GALNT2: variants seen among roughly 807,000 people sequenced by gnomAD.
GALNT2 encodes UDP-GalNAc:polypeptide N-acetylgalactosaminyltransferase 2.
GALNT2 carries 31 observed loss-of-function variants against 81.4 expected under a neutral mutation model. The ratio of observed to expected loss-of-function variants is 0.38; its 90% confidence interval spans 0.29 to 0.51. GALNT2 has a LOEUF of 0.51. Ranked by LOEUF, GALNT2 falls within the 20% of genes least tolerant of loss-of-function variation. The pLI is 0.87. For missense variants in GALNT2, 629 were observed against 765.7 expected, an observed-to-expected ratio of 0.82 and a Z score of 2.11; for synonymous variants, 303 against 287.4, an observed-to-expected ratio of 1.05 and a Z score of -0.55.
intron 6 of GALNT2, 50 bp downstream of exon 6, chr1:230,236,775 C>G: frequency 6.4e-7 from 1 of 1,550,622 alleles, no homozygotes; most frequent in Non-Finnish European, 8.8e-7. Flanking sequence ...CTGACTTTTC[C>G]TGTAATAACA....
chr1:230,100,734 G>A (rs1312117446), intron 1 of GALNT2, among the ~76,000 whole-genome samples: 1 of 152,226 alleles, frequency 6.6e-6, no homozygotes, highest in East Asian at 1.9e-4. Context: ...AAGGCTTTAA[G>A]TTTGAGAAGT....
At chr1:230,180,388 G>C (rs1663121870) in intron 2 of GALNT2, among the ~76,000 whole-genome samples, 1 of 121,610 alleles carries the variant, frequency 8.2e-6, no homozygotes, top group African/African-American at 3.2e-5. Flanking sequence ...CCGCTTTATT[G>C]CCTTTGCTCC....
chr1:230,089,112 C>T lies in GALNT2; in HGVS notation c.126+21706C>T, dbSNP rs145218044. 3.5e-3 allele frequency among the ~76,000 whole-genome samples: 529 copies of T among 151,484 alleles called. 4 individuals are homozygous for T. The highest frequency in any genetic ancestry group is 0.011 in the African/African-American group (458 of 41,392). The stretch of plus-strand genomic sequence containing the variant: ...CGACAGTTTTTATTATGGTAAAATA[C>T]ATATAACAAAACTGACCATTTTAAC... On this transcript the variant is annotated intron_variant, in intron 1 of 15. Transcript: ENST00000366672.
At position 230,067,338 on chromosome 1, in the gene GALNT2, G is replaced by A; in HGVS notation, c.58G>A (p.Ala20Thr). Reference protein sequence around the residue: ...CFAFLWVLGIAYYMYSGGGSA... With the variant: ...CFAFLWVLGITYYMYSGGGSA... ...CGCCTTCCTGTGGGTGCTGGGCATCGCCTACTACATGTACTCGGGGGGCGG... is the reference window on the plus strand; with the variant it reads ...CGCCTTCCTGTGGGTGCTGGGCATCACCTACTACATGTACTCGGGGGGCGG... Residue 20 changes from alanine (A) to threonine (T), a missense_variant, in exon 1 of 16, where the codon GCC becomes ACC. By Grantham distance (58) the Ala-to-Thr change is moderately conservative. Around this residue, in one of 3 missense-constraint regions of GALNT2, gnomAD observed 62 missense variants for 47.3 expected, o/e 1.31. Coordinates refer to ENST00000366672, the MANE Select transcript of GALNT2 (RefSeq NM_004481.5). The A allele has an allele frequency of 7.2e-7, 1 of 1,384,302 alleles. No individual in the cohort carries two copies. The highest frequency in any genetic ancestry group is 9.5e-7 in the Non-Finnish European group (1 of 1,056,462). The allele number at this position is 1,384,302 out of a possible 1,614,324, so 85.8% of individuals were successfully genotyped here. A position where few individuals can be genotyped will look rare whatever the true frequency, so the allele number is the denominator to read the frequency against.
At chr1:230,115,256 G>A (rs902210916) in intron 1 of GALNT2, among the ~76,000 whole-genome samples, 50 of 152,082 alleles carry the variant, frequency 3.3e-4, no homozygotes, top group African/African-American at 1.1e-3. Context: ...CACCTGCCTC[G>A]GCCTCCCAGA....
chr1:230,236,806 A>G (rs1330773311), intron 6 of GALNT2, 81 bp downstream of exon 6: 1 of 1,366,556 alleles, frequency 7.3e-7, no homozygotes, highest in Non-Finnish European at 1.0e-6. Context: ...CTTTAGCTCA[A>G]AGAGCAATTA....
At chr1:230,242,728 T>C (rs1665238323) in intron 6 of GALNT2, among the ~76,000 whole-genome samples, 1 of 152,156 alleles carries the variant, frequency 6.6e-6, no homozygotes, top group Admixed American at 6.5e-5. Flanking sequence ...TTTTGTGTCA[T>C]AATGAACGTG....
chr1:230,223,342 T>C (rs1259963102), intron 3 of GALNT2, among the ~76,000 whole-genome samples: 2 of 147,712 alleles, frequency 1.4e-5, no homozygotes, highest in Admixed American at 7.1e-5. Flanking sequence ...TGTATCTTAC[T>C]GATTTTTTTT....
At chr1:230,180,296 CTTTTTTTTTTTTT>C (rs56786141) in intron 2 of GALNT2, among the ~76,000 whole-genome samples, 19 of 70,608 alleles carry the variant, frequency 2.7e-4, no homozygotes, top group Non-Finnish European at 2.9e-4. Flanking sequence ...TGTCTAGGTT[CTTTTTTTTTTTTT>C]TTTTTTTTTT....
At chr1:230,246,787 C>T (rs1252845368) in intron 8 of GALNT2, among the ~76,000 whole-genome samples, 1 of 152,124 alleles carries the variant, frequency 6.6e-6, no homozygotes, top group African/African-American at 2.4e-5. Flanking sequence ...ACCGCACCCA[C>T]CCTGGAGCCC....
chr1:230,228,365 G>A (rs1047102212), intron 3 of GALNT2, among the ~76,000 whole-genome samples: 1 of 151,916 alleles, frequency 6.6e-6, no homozygotes, highest in African/African-American at 2.4e-5. Context: ...CGCCTAGTAG[G>A]GGCCATGAAG....
At chr1:230,139,808 C>T (rs185490616) in intron 1 of GALNT2, among the ~76,000 whole-genome samples, 7 of 152,318 alleles carry the variant, frequency 4.6e-5, no homozygotes, top group Admixed American at 4.6e-4. Flanking sequence ...ATGAAGATTA[C>T]TCAGGTTTAT....
At chr1:230,159,600 G>A (rs1662367917) in intron 1 of GALNT2, among the ~76,000 whole-genome samples, 1 of 152,218 alleles carries the variant, frequency 6.6e-6, no homozygotes, top group Admixed American at 6.5e-5. Context: ...CCTACATGGG[G>A]TAGGGGGAAA....
At chr1:230,228,917 T>G (rs1664793396) in intron 3 of GALNT2, among the ~76,000 whole-genome samples, 1 of 152,248 alleles carries the variant, frequency 6.6e-6, no homozygotes. Context: ...GTCCTTCACT[T>G]ATGTTTTGTA....
At position 230,243,489 on chromosome 1, in the gene GALNT2, G is replaced by A; in HGVS notation, c.729+62G>A. 6.3e-7 allele frequency: 1 copy of A among 1,591,972 alleles called. No homozygotes were observed. Among genetic ancestry groups the A allele is most frequent in the African/African-American group, 1.3e-5 (1 of 74,604 alleles). On this transcript the variant is annotated intron_variant, in intron 7 of 15. Coordinates refer to ENST00000366672, the MANE Select transcript of GALNT2 (RefSeq NM_004481.5). This position sits in a 1 kb window ranked among gnomAD's most constrained non-coding sequence, Gnocchi z 4.2. ...GGGTGGTTGGTAGAGGGGACAGAAG[G>A]GAGCATGGTCCAGGGGAGGTGTAAC...
chr1:230,266,810 TGA>T (rs1666048411), intron 14 of GALNT2, among the ~76,000 whole-genome samples: 1 of 152,108 alleles, frequency 6.6e-6, no homozygotes, highest in Non-Finnish European at 1.5e-5. Flanking sequence ...AGTTAGAAAA[TGA>T]GAGAGAGCCT....
At chr1:230,216,399 A>G (rs1174773553) in intron 3 of GALNT2, among the ~76,000 whole-genome samples, 2 of 152,212 alleles carry the variant, frequency 1.3e-5, no homozygotes, top group East Asian at 1.9e-4. Context: ...TTTATGGTAC[A>G]TTCATTATTA....
At position 230,243,440 on chromosome 1, in the gene GALNT2, G is replaced by T. The variant is rs764168215; in HGVS notation, c.729+13G>T. The T allele has an allele frequency of 6.2e-7, 1 of 1,608,998 alleles. No homozygotes were observed. Among genetic ancestry groups the T allele is most frequent in the Non-Finnish European group, 8.5e-7 (1 of 1,179,548 alleles). On this transcript the variant is annotated intron_variant, in intron 7 of 15. Transcript: ENST00000366672. The surrounding 1 kb of genome is among the most constrained non-coding windows in gnomAD (Gnocchi z 4.2). ...AAGGGTGGCGGAGGTGAGATGACGGGGGCTGGGAGGGGTGTCAGGTCGTGG... is the reference window on the plus strand; with the variant it reads ...AAGGGTGGCGGAGGTGAGATGACGGTGGCTGGGAGGGGTGTCAGGTCGTGG...
chr1:230,185,890 T>C (rs1342995195), intron 2 of GALNT2, among the ~76,000 whole-genome samples: 2 of 152,124 alleles, frequency 1.3e-5, no homozygotes, highest in Admixed American at 1.3e-4. Flanking sequence ...CCACTACAGT[T>C]TAGGTTTTCC....
Sources: gnomAD v4.1 joint callset for allele counts (sites outside exome capture counted in the v4.1 genomes callset) on GRCh38, gnomAD v4.1.1 for gene constraint, gnomAD v4.1.1 regional missense constraint, Gnocchi (gnomAD v3.1) non-coding constraint, MANE v1.5 for transcripts, NCBI Gene and HGNC (gene_info 2026-07-23, HGNC 2026-07-21) for gene names.